NGF: variants seen among roughly 807,000 people sequenced by gnomAD.
NGF encodes the protein beta-nerve growth factor.
In NGF, 4 loss-of-function variants were observed where a neutral mutation model predicts 12.8. That is an observed-to-expected ratio of 0.31 (90% CI 0.15 to 0.72). The LOEUF is 0.72. Among genes scored for constraint, NGF ranks in the 30% least tolerant of loss-of-function variants. NGF has a pLI of 0.69. For missense variants in NGF, 283 were observed against 330.8 expected (o/e 0.86, Z 1.12); for synonymous variants, 140 against 130.0 (o/e 1.08, Z -0.52).
intron 1 of NGF, among the ~76,000 whole-genome samples, chr1:115,329,566 T>C (rs963529348): frequency 2.0e-5 from 3 of 152,158 alleles, no homozygotes; most frequent in Non-Finnish European, 4.4e-5. Flanking sequence ...TATATATGTA[T>C]ATGTACATAC....
At chr1:115,337,262 T>C (rs12731678) in intron 1 of NGF, among the ~76,000 whole-genome samples, 1 of 79,292 alleles carries the variant, frequency 1.3e-5, no homozygotes, top group Admixed American at 1.5e-4. Flanking sequence ...TTTTGTTTTG[T>C]TTTTGTTTTT....
intron 1 of NGF, among the ~76,000 whole-genome samples, chr1:115,314,628 G>A (rs1368852407): frequency 3.3e-5 from 5 of 152,304 alleles, no homozygotes; most frequent in African/African-American, 1.2e-4. Flanking sequence ...CTGCCTAGTA[G>A]GGGTTAATAG....
intron 1 of NGF, among the ~76,000 whole-genome samples, chr1:115,331,381 G>C (rs191835195): frequency 6.6e-6 from 1 of 152,140 alleles, no homozygotes; most frequent in African/African-American, 2.4e-5. Context: ...ACTGCCCTCC[G>C]AGGAGCCTCC....
intron 2 of NGF, among the ~76,000 whole-genome samples, chr1:115,290,386 CTTTTTTTTTTTTT>C (rs67332447): frequency 3.1e-5 from 2 of 64,486 alleles, no homozygotes; most frequent in East Asian, 5.3e-4. Context: ...CTTCTCTCAT[CTTTTTTTTTTTTT>C]TTTTTTTTTT....
Position 115,338,195 on chromosome 1 carries a change from C to T in NGF, c.-137+9G>A, listed in dbSNP as rs986586100. ...CCTCTCGGGATCGGCTCGGGGCAGC[C>T]TGACTCACCGCTGCGCTCCCCTCCG... On this transcript the variant is annotated intron_variant, in intron 1 of 2. Coordinates refer to ENST00000369512, the MANE Select transcript of NGF (RefSeq NM_002506.3). 6.6e-6 allele frequency: 1 copy of T among 152,492 alleles called. No homozygotes were observed. The highest frequency in any genetic ancestry group is 2.4e-5 in the African/African-American group (1 of 41,456). The allele number at this position is 152,492 out of a possible 1,614,324, so 9.4% of individuals were successfully genotyped here. A position where few individuals can be genotyped will look rare whatever the true frequency, so the allele number is the denominator to read the frequency against.
chr1:115,313,365 A>G (rs750722662), intron 1 of NGF, among the ~76,000 whole-genome samples: 9 of 152,158 alleles, frequency 5.9e-5, no homozygotes, highest in Non-Finnish European at 1.0e-4. Flanking sequence ...GAACTGCTCA[A>G]TTGGGCTTGA....
chr1:115,321,576 ATGTGTGTGTGTGTGTGTGTGTGTGTGTG>A (rs59590858), intron 1 of NGF, among the ~76,000 whole-genome samples: 216 of 133,274 alleles, frequency 1.6e-3, no homozygotes, highest in African/African-American at 3.9e-3. Context: ...TGTGTATGGG[ATGTGTGTGTGTGTGTGTGTGTGTGTGTG>A]TGTGTGTGTG....
At chr1:115,292,107 T>C (rs1653721090) in intron 2 of NGF, among the ~76,000 whole-genome samples, 1 of 152,196 alleles carries the variant, frequency 6.6e-6, no homozygotes, top group African/African-American at 2.4e-5. Flanking sequence ...AACTGGCTGC[T>C]GTCTTCAGTT....
At chr1:115,337,863 C>A (rs1655181236) in intron 1 of NGF, among the ~76,000 whole-genome samples, 1 of 152,170 alleles carries the variant, frequency 6.6e-6, no homozygotes. Context: ...CTCACTTGCG[C>A]GTTATCCACT....
Position 115,317,309 on chromosome 1 carries a change from C to T in NGF, c.-137+20895G>A, listed in dbSNP as rs904563207. On this transcript the variant is annotated intron_variant, in intron 1 of 2. Coordinates refer to ENST00000369512, the MANE Select transcript of NGF (RefSeq NM_002506.3). ...GCAGGCAGGCACATCTGCTCTGTCT[C>T]CATGCTCCAGAAGCCAATGGAAAGT... Among the ~76,000 whole-genome samples, 5 of 152,160 alleles carry T rather than the reference C, an allele frequency of 3.3e-5. No homozygotes were observed. The East Asian group carries it at 9.6e-4, about 29-fold the overall frequency.
chr1:115,332,490 A>G (rs1378565285), intron 1 of NGF, among the ~76,000 whole-genome samples: 1 of 149,614 alleles, frequency 6.7e-6, no homozygotes, highest in African/African-American at 2.5e-5. Context: ...AAAAACATAC[A>G]AAAAAGATGT....
At position 115,288,065 on chromosome 1, in the gene NGF, CA is replaced by C. The variant is rs541701422; in HGVS notation, c.-12-1259del. ...TATCCTTTCTCCCATCTCTCCTTCC[CA>C]CTCTTATGGGTCATTCTGCTCCGTT... On this transcript the variant is annotated intron_variant, in intron 2 of 2. Transcript: ENST00000369512. 2.1e-3 allele frequency among the ~76,000 whole-genome samples: 313 copies of C among 152,312 alleles called. 1 individual carries two copies. Among genetic ancestry groups the C allele is most frequent in the South Asian group, 0.016 (75 of 4,818 alleles).
intron 1 of NGF, among the ~76,000 whole-genome samples, chr1:115,296,389 G>A (rs1429585753): frequency 6.6e-6 from 1 of 152,138 alleles, no homozygotes; most frequent in Non-Finnish European, 1.5e-5. Flanking sequence ...GAAATATTCT[G>A]GATATTCCAC....
At chr1:115,327,464 G>T (rs1222218916) in intron 1 of NGF, among the ~76,000 whole-genome samples, 1 of 152,168 alleles carries the variant, frequency 6.6e-6, no homozygotes, top group Non-Finnish European at 1.5e-5. Flanking sequence ...TTTGGAGTCT[G>T]ACCTCTTCAA....
chr1:115,309,419 T>C (rs988671744), intron 1 of NGF, among the ~76,000 whole-genome samples: 1 of 152,242 alleles, frequency 6.6e-6, no homozygotes, highest in African/African-American at 2.4e-5. Context: ...AAATAAACTA[T>C]GAATAGCTTT....
At chr1:115,316,716 T>G (rs1238011734) in intron 1 of NGF, among the ~76,000 whole-genome samples, 1 of 152,238 alleles carries the variant, frequency 6.6e-6, no homozygotes, top group African/African-American at 2.4e-5. Context: ...AAATTCAATA[T>G]AATTTAGATT....
intron 1 of NGF, among the ~76,000 whole-genome samples, chr1:115,306,545 CA>C (rs1364106895): frequency 4.6e-5 from 7 of 152,142 alleles, no homozygotes; most frequent in African/African-American, 1.7e-4. Flanking sequence ...TCTCACACTA[CA>C]AAAAACATAG....
chr1:115,297,479 G>C (rs1653907300), intron 1 of NGF, among the ~76,000 whole-genome samples: 1 of 152,186 alleles, frequency 6.6e-6, no homozygotes. Flanking sequence ...GAGCCTGGTA[G>C]AGCTAGAGGA....
chr1:115,323,130 G>A (rs1654675662), intron 1 of NGF, among the ~76,000 whole-genome samples: 1 of 152,218 alleles, frequency 6.6e-6, no homozygotes, highest in South Asian at 2.1e-4. Context: ...TAGCAAGAAG[G>A]AAGGACCAGG....
Sources: gnomAD v4.1 joint callset for allele counts (sites outside exome capture counted in the v4.1 genomes callset) on GRCh38, gnomAD v4.1.1 for gene constraint, MANE v1.5 for transcripts, NCBI Gene and HGNC (gene_info 2026-07-23, HGNC 2026-07-21) for gene names.